The following CIP2A variants were observed in gnomAD, a reference collection of about 807,000 sequenced individuals.
CIP2A encodes the protein protein CIP2A.
A neutral mutation model predicts 110.9 loss-of-function variants in CIP2A; 103 were observed. That is an observed-to-expected ratio of 0.93 (90% CI 0.79 to 1.09). The LOEUF (loss-of-function observed/expected upper bound fraction) is 1.09, where lower values mean the gene tolerates loss of function less well. CIP2A is among the 50% of genes least tolerant of loss of function. The pLI is 0.00. For synonymous variants in CIP2A, 381 were observed against 361.6 expected (o/e 1.05, Z -0.61); for missense variants, 1,088 against 1,038.4 (o/e 1.05, Z -0.66).
chr3:108,584,304 T>C (rs1459282765), intron 2 of CIP2A, among the ~76,000 whole-genome samples: 1 of 152,212 alleles, frequency 6.6e-6, no homozygotes, highest in East Asian at 1.9e-4. Context: ...ACAACACCAT[T>C]TGTGCTGAAA....
chr3:108,575,265 T>C (rs1381964306), intron 8 of CIP2A, among the ~76,000 whole-genome samples: 1 of 151,636 alleles, frequency 6.6e-6, no homozygotes, highest in Non-Finnish European at 1.5e-5. Context: ...TATGTACATG[T>C]GTATATACAC....
chr3:108,559,311 A>T (rs758451350), intron 16 of CIP2A, among the ~76,000 whole-genome samples: 14 of 152,196 alleles, frequency 9.2e-5, no homozygotes, highest in Non-Finnish European at 2.1e-4. Flanking sequence ...GAATAATTTT[A>T]AAAAGGGAAG....
chr3:108,561,999 C>A (rs998432929), intron 13 of CIP2A, among the ~76,000 whole-genome samples: 1 of 152,078 alleles, frequency 6.6e-6, no homozygotes, highest in South Asian at 2.1e-4. Flanking sequence ...CAGGCCATCA[C>A]AAAATAGAGC....
Position 108,563,184 on chromosome 3 carries a change from G to A in CIP2A, c.1576C>T (p.Gln526Ter). ...TCCAATAATATTCTCAGTCCAGACT[G>A]TACTTGTTCTCTATTATCTGACGTT... ...ALTSDNREQV[Q>*]SGLRILLEAA... The change falls in exon 13 of 21, where the codon CAG becomes TAG. Residue 526 changes from glutamine (Q) to a stop codon, truncating the protein, a stop_gained. Transcript: ENST00000295746. LOFTEE classifies it high-confidence loss of function. 1 of 1,612,926 alleles carries A rather than the reference G, an allele frequency of 6.2e-7. No individual in the cohort carries two copies. The highest frequency in any genetic ancestry group is 8.5e-7 in the Non-Finnish European group (1 of 1,179,142).
chr3:108,571,483 T>C (rs1938401059), intron 8 of CIP2A, among the ~76,000 whole-genome samples: 1 of 152,182 alleles, frequency 6.6e-6, no homozygotes, highest in Admixed American at 6.6e-5. Context: ...GAATAGGTAA[T>C]ACATTCACAT....
chr3:108,575,066 G>T (rs1175968324), intron 8 of CIP2A: 3 of 152,136 alleles, frequency 2.0e-5, no homozygotes, highest in Non-Finnish European at 2.9e-5. Flanking sequence ...ATTCGTGAGG[G>T]TGTTCACTGT....
At chr3:108,557,009 A>G (rs907113333) in intron 17 of CIP2A, among the ~76,000 whole-genome samples, 2 of 152,160 alleles carry the variant, frequency 1.3e-5, no homozygotes, top group Non-Finnish European at 1.5e-5. Flanking sequence ...AGTCAACTGG[A>G]AAGACCTGTA....
In CIP2A at chr3:108,576,577, CAATA is replaced by C. The variant is rs572299643; in HGVS notation, c.819-235_819-232del. On this transcript the variant is annotated intron_variant, in intron 7 of 20. Coordinates refer to ENST00000295746, the MANE Select transcript of CIP2A (RefSeq NM_020890.3). ...TATTAAAACATAGTGATTCATGTGG[CAATA>C]AATAAATCATTAAATTTCTTTATCC... Among the ~76,000 whole-genome samples, 3 of 152,168 alleles carry C rather than the reference CAATA, an allele frequency of 2.0e-5. No homozygotes were observed. The East Asian group carries it at 5.8e-4, about 29-fold the overall frequency.
Position 108,582,170 on chromosome 3 carries a change from A to T in CIP2A, c.390T>A (p.Asn130Lys). 1 of 1,481,670 alleles carries T rather than the reference A, an allele frequency of 6.7e-7. No individual in the cohort carries two copies. Among genetic ancestry groups the T allele is most frequent in the Non-Finnish European group, 9.3e-7 (1 of 1,075,246 alleles). The allele number at this position is 1,481,670 out of a possible 1,614,324, so 91.8% of individuals were successfully genotyped here. A position where few individuals can be genotyped will look rare whatever the true frequency, so the allele number is the denominator to read the frequency against. ...TGGCACCAGAATAGAAAATTTTGAC[A>T]TTATATGTTAACTTCTGTAGAAGTT... ...CIQLLQKLTY[N>K]VKIFYSGANI... Residue 130 changes from asparagine (N) to lysine (K), a missense_variant, in exon 4 of 21, where the codon AAT (asparagine) becomes AAA (lysine). By Grantham distance (94) the Asn-to-Lys change is moderately conservative (BLOSUM62 0). Transcript: ENST00000295746.
Position 108,589,370 on chromosome 3 carries a change from G to C in CIP2A, c.6C>G (p.Asp2Glu). The part of the protein sequence containing the change: M[D>E]STACLKSLLL... Reference sequence around the variant, plus strand: ...GCAAGGACTTCAAGCAGGCAGTGGAGTCCATTGCACCGGCCGCGGCCCGGC... The same window carrying C: ...GCAAGGACTTCAAGCAGGCAGTGGACTCCATTGCACCGGCCGCGGCCCGGC... Residue 2 changes from aspartate (D) to glutamate (E), a missense_variant, in exon 1 of 21, where the codon GAC becomes GAG. By Grantham distance (45) the Asp-to-Glu change is conservative. Transcript: ENST00000295746. 1 of 1,612,284 alleles carries C rather than the reference G, an allele frequency of 6.2e-7. No individual in the cohort carries two copies. The highest frequency in any genetic ancestry group is 1.1e-5 in the South Asian group (1 of 90,796).
chr3:108,561,323 A>T (rs1456697288), intron 13 of CIP2A, among the ~76,000 whole-genome samples: 3 of 152,122 alleles, frequency 2.0e-5, no homozygotes, highest in Admixed American at 6.6e-5. Flanking sequence ...TTCTACCACA[A>T]AACAAAATAT....
At chr3:108,578,183 T>C (rs772524729) in intron 7 of CIP2A, among the ~76,000 whole-genome samples, 26 of 152,238 alleles carry the variant, frequency 1.7e-4, no homozygotes, top group Non-Finnish European at 3.2e-4. Context: ...TTAAGCTACC[T>C]CTTATTAATG....
chr3:108,578,690 G>C (rs1221783488), intron 7 of CIP2A, among the ~76,000 whole-genome samples: 1 of 152,094 alleles, frequency 6.6e-6, no homozygotes, highest in Non-Finnish European at 1.5e-5. Context: ...CAAAATTTAA[G>C]TTAGAATGCA....
At chr3:108,583,625 G>A (rs946292221) in intron 2 of CIP2A, among the ~76,000 whole-genome samples, 1 of 152,040 alleles carries the variant, frequency 6.6e-6, no homozygotes, top group African/African-American at 2.4e-5. Flanking sequence ...GTGTGAGGGG[G>A]AGCCGTTAGT....
chr3:108,583,143 T>C, intron 2 of CIP2A, 60 bp from the exon 3 acceptor site: 1 of 859,058 alleles, frequency 1.2e-6, no homozygotes, highest in Non-Finnish European at 1.7e-6. Flanking sequence ...TGCAGATAAT[T>C]CATACAGAAT....
chr3:108,555,272 T>C (rs1230109897), intron 17 of CIP2A, among the ~76,000 whole-genome samples: 2 of 152,156 alleles, frequency 1.3e-5, no homozygotes, highest in Non-Finnish European at 2.9e-5. Flanking sequence ...ACAAAGCAGG[T>C]ATCCCCTTTT....
intron 19 of CIP2A, 100 bp from the exon 20 acceptor site, chr3:108,552,473 G>T: frequency 1.6e-6 from 1 of 626,456 alleles, no homozygotes. Context: ...GAAATAACTA[G>T]AACAAGGAAG....
At chr3:108,564,780 T>G (rs943957508) in intron 12 of CIP2A, among the ~76,000 whole-genome samples, 2 of 151,892 alleles carry the variant, frequency 1.3e-5, no homozygotes, top group African/African-American at 4.8e-5. Context: ...TTCATTCTAT[T>G]TTATAGAATG....
intron 16 of CIP2A, among the ~76,000 whole-genome samples, chr3:108,558,459 T>A (rs1424881680): frequency 1.3e-5 from 2 of 152,116 alleles, no homozygotes; most frequent in Admixed American, 1.3e-4. Flanking sequence ...ACTCTTAAGG[T>A]ATACATTATA....
Sources: gnomAD v4.1 joint callset for allele counts (sites outside exome capture counted in the v4.1 genomes callset) on GRCh38, gnomAD v4.1.1 for gene constraint, MANE v1.5 for transcripts, NCBI Gene and HGNC (gene_info 2026-07-23, HGNC 2026-07-21) for gene names.